The following KCNIP4 variants were observed in gnomAD, a reference collection of about 807,000 sequenced individuals.
KCNIP4 encodes the protein Kv channel-interacting protein 4.
A neutral mutation model predicts 34.0 loss-of-function variants in KCNIP4; 12 were observed. The observed-to-expected ratio is 0.35, with a 90% CI of 0.23 to 0.57. The LOEUF (loss-of-function observed/expected upper bound fraction) is 0.57, where lower values mean the gene tolerates loss of function less well. KCNIP4 is among the 20% of genes least tolerant of loss of function. The pLI is 0.83. For synonymous variants in KCNIP4, 124 were observed against 102.2 expected, an observed-to-expected ratio of 1.21 and a Z score of -1.29; for missense variants, 238 against 311.7, an observed-to-expected ratio of 0.76 and a Z score of 1.78.
intron 5 of KCNIP4, among the ~76,000 whole-genome samples, chr4:20,735,815 G>A (rs981793076): frequency 1.9e-4 from 29 of 152,176 alleles, no homozygotes; most frequent in Admixed American, 4.6e-4. Context: ...GATTACAGGC[G>A]TGAGCCACCA....
At chr4:21,368,567 G>T (rs1720028490) in intron 1 of KCNIP4, among the ~76,000 whole-genome samples, 1 of 147,220 alleles carries the variant, frequency 6.8e-6, no homozygotes. Context: ...GCCCAGTAAG[G>T]TTGGGTAATT....
intron 1 of KCNIP4, among the ~76,000 whole-genome samples, chr4:20,968,019 G>C (rs1000560008): frequency 2.0e-5 from 3 of 152,024 alleles, no homozygotes; most frequent in East Asian, 1.9e-4. Flanking sequence ...GAAAATTTTT[G>C]CAATCTACCC....
At chr4:21,021,559 TATTA>T (rs1330502564) in intron 1 of KCNIP4, among the ~76,000 whole-genome samples, 1 of 152,166 alleles carries the variant, frequency 6.6e-6, no homozygotes, top group Non-Finnish European at 1.5e-5. Flanking sequence ...AAATTTTTTC[TATTA>T]ATTATTTTAC....
intron 1 of KCNIP4, among the ~76,000 whole-genome samples, chr4:21,884,170 A>G (rs1055759118): frequency 1.3e-5 from 2 of 152,140 alleles, no homozygotes; most frequent in Non-Finnish European, 2.9e-5. Flanking sequence ...CAACAATAAC[A>G]TACATTTGTT....
chr4:20,889,732 G>A (rs189892000), intron 1 of KCNIP4, among the ~76,000 whole-genome samples: 8 of 138,052 alleles, frequency 5.8e-5, no homozygotes, highest in African/African-American at 2.2e-4. Context: ...TGTTTTTCTT[G>A]TTAAATGATG....
intron 1 of KCNIP4, among the ~76,000 whole-genome samples, chr4:21,260,731 C>T (rs13128781): frequency 0.28 from 42,273 of 152,114 alleles, 6,179 homozygotes; most frequent in South Asian, 0.33. Flanking sequence ...GTGCTTCAGA[C>T]ATTCACTGAT....
intron 2 of KCNIP4, among the ~76,000 whole-genome samples, chr4:20,850,956 G>T (rs554465771): frequency 6.6e-6 from 1 of 152,264 alleles, no homozygotes; most frequent in African/African-American, 2.4e-5. Flanking sequence ...CAGATAATCA[G>T]TGGATTATAT....
At chr4:21,059,152 T>G (rs1192789126) in intron 1 of KCNIP4, among the ~76,000 whole-genome samples, 2 of 152,032 alleles carry the variant, frequency 1.3e-5, no homozygotes, top group East Asian at 3.9e-4. Context: ...ATTACCTAGT[T>G]TTGGGTATGT....
intron 3 of KCNIP4, among the ~76,000 whole-genome samples, chr4:20,839,396 A>G (rs1005836665): frequency 6.6e-6 from 1 of 151,424 alleles, no homozygotes; most frequent in Admixed American, 6.6e-5. Flanking sequence ...CTATATATCT[A>G]TACACATAGA....
chr4:21,277,956 T>A (rs1346331409), intron 1 of KCNIP4, among the ~76,000 whole-genome samples: 1 of 152,130 alleles, frequency 6.6e-6, no homozygotes, highest in Non-Finnish European at 1.5e-5. Context: ...GCGTTCTGCT[T>A]TTAAACAAGA....
intron 1 of KCNIP4, among the ~76,000 whole-genome samples, chr4:21,106,360 T>C (rs975216131): frequency 1.3e-5 from 2 of 151,798 alleles, no homozygotes; most frequent in African/African-American, 4.9e-5. Context: ...ATCCATTTCT[T>C]CTAGATTTTC....
chr4:21,204,207 G>C (rs1458564824), intron 1 of KCNIP4, among the ~76,000 whole-genome samples: 1 of 151,716 alleles, frequency 6.6e-6, no homozygotes, highest in Non-Finnish European at 1.5e-5. Context: ...TCTCTTTAAT[G>C]CATGTGCTTA....
chr4:21,845,373 T>C (rs1723948429), intron 1 of KCNIP4: 1 of 152,134 alleles, frequency 6.6e-6, no homozygotes, highest in Non-Finnish European at 1.5e-5. Flanking sequence ...TTTTCACAAG[T>C]AACAATATTA....
chr4:21,249,442 A>T (rs1331972744), intron 1 of KCNIP4, among the ~76,000 whole-genome samples: 1 of 152,100 alleles, frequency 6.6e-6, no homozygotes, highest in Non-Finnish European at 1.5e-5. Context: ...TAACCTTGGA[A>T]TCACATTAAG....
intron 5 of KCNIP4, among the ~76,000 whole-genome samples, chr4:20,737,079 G>A (rs1033877173): frequency 3.3e-5 from 5 of 152,184 alleles, no homozygotes; most frequent in African/African-American, 1.2e-4. Context: ...AATATATGGT[G>A]CTGTGGCAAC....
chr4:21,885,682 C>G (rs143077802), intron 1 of KCNIP4, among the ~76,000 whole-genome samples: 2 of 152,060 alleles, frequency 1.3e-5, no homozygotes, highest in African/African-American at 4.8e-5. Flanking sequence ...GAAATTTGAA[C>G]GTGTTTTGCT....
At chr4:21,603,382 A>T (rs949494619) in intron 1 of KCNIP4, among the ~76,000 whole-genome samples, 3 of 152,160 alleles carry the variant, frequency 2.0e-5, no homozygotes, top group Non-Finnish European at 2.9e-5. Context: ...AAGAGGAGAA[A>T]GAAGAAAGAA....
intron 1 of KCNIP4, among the ~76,000 whole-genome samples, chr4:20,933,572 CA>C (rs1253402193): frequency 6.6e-6 from 1 of 152,088 alleles, no homozygotes; most frequent in Non-Finnish European, 1.5e-5. Flanking sequence ...TGATTATCCA[CA>C]ATTTCTTATA....
At chr4:21,152,898 A>AC (rs1299290670) in intron 1 of KCNIP4, among the ~76,000 whole-genome samples, 2 of 151,776 alleles carry the variant, frequency 1.3e-5, no homozygotes, top group Admixed American at 6.6e-5. Context: ...AACAATCCCC[A>AC]CCCCCCAACC....
Sources: allele counts gnomAD v4.1 joint callset (sites outside exome capture counted in the v4.1 genomes callset), GRCh38; gene constraint gnomAD v4.1.1; transcripts MANE v1.5; gene names NCBI Gene and HGNC (gene_info 2026-07-23, HGNC 2026-07-21).